The following AGO3 variants were observed in gnomAD, a reference collection of about 807,000 sequenced individuals.
AGO3 encodes the protein protein argonaute-3.
In AGO3, 16 loss-of-function variants were observed where a neutral mutation model predicts 105.5. The observed-to-expected ratio is 0.15, with a 90% CI of 0.10 to 0.23. The LOEUF (loss-of-function observed/expected upper bound fraction) is 0.23, where lower values mean the gene tolerates loss of function less well. AGO3 is among the 10% of genes least tolerant of loss of function. The probability of loss-of-function intolerance (pLI) is 1.00; values close to 1 mark genes in which losing one functional copy is unlikely to be tolerated. For synonymous variants in AGO3, 340 were observed against 367.3 expected (o/e 0.93, Z 0.85); for missense variants, 534 against 1,088.0 (o/e 0.49, Z 7.16).
At chr1:35,971,669 T>G (rs1646873599) in intron 3 of AGO3, among the ~76,000 whole-genome samples, 1 of 152,138 alleles carries the variant, frequency 6.6e-6, no homozygotes, top group Non-Finnish European at 1.5e-5. Flanking sequence ...TTTTCCTCCT[T>G]TCTTACACAA....
Position 36,008,480 on chromosome 1 carries a change from GTAA to G in AGO3, c.794-209_794-207del, listed in dbSNP as rs1051418729. On this transcript the variant is annotated intron_variant, in intron 6 of 18. Coordinates refer to ENST00000373191, the MANE Select transcript of AGO3 (RefSeq NM_024852.4). The surrounding 1 kb of genome is among the most constrained non-coding windows in gnomAD (Gnocchi z 5.1). The stretch of plus-strand genomic sequence containing the variant: ...TTTTTAATGTGTAGAGCTTGATGGG[GTAA>G]GGAAAAATTTTGCCATTAGGTCTGT... Among the ~76,000 whole-genome samples the G allele has an allele frequency of 1.3e-5, 2 of 151,148 alleles. No individual in the cohort carries two copies. Among genetic ancestry groups the G allele is most frequent in the African/African-American group, 4.9e-5 (2 of 41,062 alleles).
chr1:35,947,422 C>T (rs1309709241), intron 2 of AGO3, among the ~76,000 whole-genome samples: 3 of 152,194 alleles, frequency 2.0e-5, no homozygotes, highest in East Asian at 3.9e-4. Context: ...TCTGTGACCT[C>T]GTAGTACTTG....
At chr1:35,964,915 T>C (rs1646745383) in intron 2 of AGO3, among the ~76,000 whole-genome samples, 1 of 152,154 alleles carries the variant, frequency 6.6e-6, no homozygotes, top group Non-Finnish European at 1.5e-5. Context: ...GTTGGCTGCA[T>C]GTATGTCTTC....
At chr1:35,994,918 A>G (rs538249543) in intron 5 of AGO3, among the ~76,000 whole-genome samples, 1 of 152,236 alleles carries the variant, frequency 6.6e-6, no homozygotes, top group East Asian at 1.9e-4. Context: ...AAATTGATCT[A>G]TAAACTCAAT....
chr1:35,990,282 G>T (rs941839553), intron 5 of AGO3, among the ~76,000 whole-genome samples: 3 of 152,144 alleles, frequency 2.0e-5, no homozygotes, highest in Non-Finnish European at 1.5e-5. Flanking sequence ...GCCGAGGGGG[G>T]TGGATCACGA....
chr1:35,989,176 A>G lies in AGO3; in HGVS notation c.659-15165A>G, dbSNP rs375547241. ...AGGGATGTTTCCCTCAGGAAATGAC[A>G]GATGGGAGCTAGGCGAAATTGGTGA... On this transcript the variant is annotated intron_variant, in intron 5 of 18. Coordinates refer to ENST00000373191, the MANE Select transcript of AGO3 (RefSeq NM_024852.4). Among the ~76,000 whole-genome samples the G allele has an allele frequency of 7.9e-5, 12 of 152,340 alleles. No homozygotes were observed. The East Asian group carries it at 2.3e-3, about 29-fold the overall frequency.
At chr1:35,980,097 A>G (rs1647025352) in intron 5 of AGO3, among the ~76,000 whole-genome samples, 1 of 152,090 alleles carries the variant, frequency 6.6e-6, no homozygotes, top group Non-Finnish European at 1.5e-5. Flanking sequence ...TTATCTTTAT[A>G]CTTATACCTT....
intron 2 of AGO3, among the ~76,000 whole-genome samples, chr1:35,958,166 A>G (rs1218953892): frequency 6.6e-6 from 1 of 151,960 alleles, no homozygotes; most frequent in East Asian, 1.9e-4. Flanking sequence ...GCGGATCACA[A>G]GGTCTGGAGT....
At chr1:35,992,951 A>T (rs1225432190) in intron 5 of AGO3, among the ~76,000 whole-genome samples, 1 of 152,104 alleles carries the variant, frequency 6.6e-6, no homozygotes, top group Non-Finnish European at 1.5e-5. Flanking sequence ...GTTCCTTGCC[A>T]TGTGGACCTC....
At chr1:35,962,315 G>C (rs996948537) in intron 2 of AGO3, among the ~76,000 whole-genome samples, 1 of 152,076 alleles carries the variant, frequency 6.6e-6, no homozygotes, top group African/African-American at 2.4e-5. Context: ...AGGCCAAGGC[G>C]GGTGGATCAC....
At chr1:35,980,434 T>C (rs1234150929) in intron 5 of AGO3, among the ~76,000 whole-genome samples, 1 of 152,228 alleles carries the variant, frequency 6.6e-6, no homozygotes, top group Non-Finnish European at 1.5e-5. Context: ...ATTCCATTTG[T>C]TTTCAATCTT....
intron 2 of AGO3, among the ~76,000 whole-genome samples, chr1:35,962,964 G>T (rs914391868): frequency 6.6e-6 from 1 of 152,110 alleles, no homozygotes; most frequent in Non-Finnish European, 1.5e-5. Flanking sequence ...AGTTTATACC[G>T]ATTAGGCTAA....
At chr1:35,990,651 G>A (rs1353352637) in intron 5 of AGO3, among the ~76,000 whole-genome samples, 4 of 152,176 alleles carry the variant, frequency 2.6e-5, no homozygotes, top group African/African-American at 9.7e-5. Context: ...TTTCTGCAAA[G>A]TAGTTAGAAG....
At chr1:35,935,351 C>T (rs141932818) in intron 1 of AGO3, among the ~76,000 whole-genome samples, 63 of 152,346 alleles carry the variant, frequency 4.1e-4, no homozygotes, top group African/African-American at 1.5e-3. Flanking sequence ...ATGATTCTAT[C>T]AGCCTCATAT....
chr1:36,029,481 G>A (rs754358589), intron 12 of AGO3, among the ~76,000 whole-genome samples: 4 of 142,638 alleles, frequency 2.8e-5, no homozygotes, highest in African/African-American at 1.1e-4. Flanking sequence ...TGCAAGCTCT[G>A]CCTCCTGGGT....
Position 36,065,766 on chromosome 1 carries a change from A to T in AGO3, c.*10021A>T, listed in dbSNP as rs1489361754. On this transcript the variant is annotated 3_prime_UTR_variant, in exon 19 of 19. Coordinates refer to ENST00000373191, the MANE Select transcript of AGO3 (RefSeq NM_024852.4). ...ACATCAGTACAGCTTGACCGCAGTG[A>T]AGTACTTGATGGCTTGTTCATGTTT... 1 of 152,256 alleles carries T rather than the reference A, an allele frequency of 6.6e-6. No individual in the cohort carries two copies. Among genetic ancestry groups the T allele is most frequent in the Non-Finnish European group, 1.5e-5 (1 of 68,116 alleles). The allele number at this position is 152,256 out of a possible 1,614,324, so 9.4% of individuals were successfully genotyped here. A position where few individuals can be genotyped will look rare whatever the true frequency, so the allele number is the denominator to read the frequency against.
At position 35,972,856 on chromosome 1, in the gene AGO3, A is replaced by ATTT. The variant is rs1165696072; in HGVS notation, c.522-500_522-498dup. On this transcript the variant is annotated intron_variant, in intron 4 of 18. Transcript: ENST00000373191. ...ATCATGCCTGACTAATTAAAAAAAA[A>ATTT]TTTTTTTTTTTTTTTTTTTTTGTAG... Among the ~76,000 whole-genome samples, 632 of 122,858 alleles carry ATTT rather than the reference A, an allele frequency of 5.1e-3. 15 individuals carry two copies. In the East Asian group the frequency reaches 0.069, roughly 13 times the overall value. 80.6% of individuals were successfully genotyped at this position (122,858 alleles called of 152,430 possible).
intron 2 of AGO3, among the ~76,000 whole-genome samples, chr1:35,952,247 A>G (rs1293166007): frequency 2.0e-5 from 3 of 149,630 alleles, no homozygotes; most frequent in African/African-American, 7.4e-5. Context: ...CCTGAGTTCA[A>G]GCAGTTCTCC....
intron 5 of AGO3, among the ~76,000 whole-genome samples, chr1:35,997,367 G>T (rs1394053853): frequency 6.6e-6 from 1 of 152,162 alleles, no homozygotes; most frequent in East Asian, 1.9e-4. Flanking sequence ...TTTGACTTCC[G>T]ATTTTTCAAC....
Sources: allele counts gnomAD v4.1 joint callset (sites outside exome capture counted in the v4.1 genomes callset), GRCh38; gene constraint gnomAD v4.1.1; non-coding constraint Gnocchi (gnomAD v3.1); transcripts MANE v1.5; gene names NCBI Gene and HGNC (gene_info 2026-07-23, HGNC 2026-07-21).